FBXO25: variants seen among roughly 807,000 people sequenced by gnomAD.
FBXO25 encodes F-box protein 25.
A neutral mutation model predicts 51.9 loss-of-function variants in FBXO25; 45 were observed. The observed-to-expected ratio is 0.87, with a 90% CI of 0.68 to 1.11. The LOEUF is 1.11. Ranked by LOEUF, FBXO25 falls within the 50% of genes most tolerant of loss-of-function variation. FBXO25 has a pLI of 0.00. For synonymous variants in FBXO25, 199 were observed against 151.0 expected (o/e 1.32, Z -2.33); for missense variants, 507 against 428.5 (o/e 1.18, Z -1.62).
At chr8:438,235 T>G (rs1468612270) in intron 5 of FBXO25, among the ~76,000 whole-genome samples, 1 of 152,104 alleles carries the variant, frequency 6.6e-6, no homozygotes, top group Non-Finnish European at 1.5e-5. Flanking sequence ...TTTTTTGTAT[T>G]TTTAGTAGAG....
At chr8:434,336 C>T (rs1163485197) in intron 4 of FBXO25, among the ~76,000 whole-genome samples, 1 of 152,132 alleles carries the variant, frequency 6.6e-6, no homozygotes, top group African/African-American at 2.4e-5. Context: ...GGGTGGTGAC[C>T]TTGGAAAGTG....
intron 7 of FBXO25, among the ~76,000 whole-genome samples, chr8:453,242 G>A (rs187104344): frequency 2.0e-5 from 3 of 152,308 alleles, no homozygotes; most frequent in African/African-American, 7.2e-5. Flanking sequence ...TTTTCGTCAT[G>A]TCCACTCAAA....
At chr8:409,748 T>C (rs35557470) in intron 1 of FBXO25, among the ~76,000 whole-genome samples, 14,531 of 152,158 alleles carry the variant, frequency 0.095, 746 homozygotes, top group South Asian at 0.14. Context: ...AGTTGTTTTT[T>C]TCTGTCTCCA....
chr8:451,987 G>A (rs1799128709), intron 7 of FBXO25, among the ~76,000 whole-genome samples: 1 of 152,174 alleles, frequency 6.6e-6, no homozygotes, highest in Non-Finnish European at 1.5e-5. Flanking sequence ...ATTGCCCCGA[G>A]TATTTAGATA....
At chr8:434,543 A>G (rs868407569) in intron 4 of FBXO25, among the ~76,000 whole-genome samples, 2 of 152,178 alleles carry the variant, frequency 1.3e-5, no homozygotes, top group Non-Finnish European at 2.9e-5. Context: ...GGGTTGGCGC[A>G]CAGAAGCACA....
intron 2 of FBXO25, among the ~76,000 whole-genome samples, chr8:417,086 G>A (rs1796852966): frequency 6.6e-6 from 1 of 152,170 alleles, no homozygotes; most frequent in African/African-American, 2.4e-5. Context: ...ACATCATCTG[G>A]CATATTCAGG....
At chr8:409,719 G>A (rs1301861363) in intron 1 of FBXO25, among the ~76,000 whole-genome samples, 4 of 151,994 alleles carry the variant, frequency 2.6e-5, no homozygotes, top group Non-Finnish European at 5.9e-5. Context: ...AGGTTCTGTT[G>A]GCAAGATATT....
chr8:440,908 G>T (rs1188186514), intron 5 of FBXO25, among the ~76,000 whole-genome samples: 1 of 144,048 alleles, frequency 6.9e-6, no homozygotes, highest in East Asian at 2.0e-4. Context: ...CCTTGCAAAG[G>T]ACATGAACTC....
At chr8:451,918 T>G (rs1381330607) in intron 7 of FBXO25, among the ~76,000 whole-genome samples, 2 of 152,204 alleles carry the variant, frequency 1.3e-5, no homozygotes, top group African/African-American at 4.8e-5. Flanking sequence ...TCATGTCAGT[T>G]TTTTTGATAT....
At chr8:432,053 G>A (rs1436595412) in intron 3 of FBXO25, among the ~76,000 whole-genome samples, 2 of 151,996 alleles carry the variant, frequency 1.3e-5, no homozygotes, top group African/African-American at 4.8e-5. Flanking sequence ...TTATAAATTA[G>A]GTGCAGTAAG....
rs1785733181 is a variant in FBXO25, at chr8:469,277, G to C, written c.*473G>C. The stretch of plus-strand genomic sequence containing the variant: ...AAAATGCATTTTAACTACTACATTG[G>C]CTGTGCCCAAATGAGTCCTCTTTGA... On this transcript the variant is annotated 3_prime_UTR_variant, in exon 10 of 10. Coordinates refer to ENST00000350302, the MANE Select transcript of FBXO25 (RefSeq NM_183420.2). The C allele has an allele frequency of 6.5e-6, 1 of 153,170 alleles. No individual in the cohort carries two copies. The highest frequency in any genetic ancestry group is 2.4e-5 in the African/African-American group (1 of 41,444). 9.5% of individuals were successfully genotyped at this position (153,170 alleles called of 1,614,324 possible).
chr8:432,058 A>G (rs1797849182), intron 3 of FBXO25, among the ~76,000 whole-genome samples: 1 of 152,198 alleles, frequency 6.6e-6, no homozygotes, highest in Admixed American at 6.5e-5. Context: ...AATTAGGTGC[A>G]GTAAGAGATT....
chr8:473,299 G>C lies in FBXO25; in HGVS notation c.*4495G>C, dbSNP rs1297598016. 2 of 152,250 alleles carry C rather than the reference G, an allele frequency of 1.3e-5. No homozygotes were observed. The highest frequency in any genetic ancestry group is 4.8e-5 in the African/African-American group (2 of 41,436). The allele number at this position is 152,250 out of a possible 1,614,324, so 9.4% of individuals were successfully genotyped here. ...TTCAGCAGGAACTGCATCATTGTGT[G>C]CCTAAAAAGCCCTGGCTCACAGCAT... On this transcript the variant is annotated 3_prime_UTR_variant, in exon 10 of 10. Coordinates refer to ENST00000350302, the MANE Select transcript of FBXO25 (RefSeq NM_183420.2).
At chr8:418,608 G>A (rs1796960266) in intron 2 of FBXO25, among the ~76,000 whole-genome samples, 1 of 152,072 alleles carries the variant, frequency 6.6e-6, no homozygotes, top group Admixed American at 6.5e-5. Context: ...CCAAAGTGCT[G>A]GGATTACATG....
At chr8:438,377 T>C (rs1212580367) in intron 5 of FBXO25, among the ~76,000 whole-genome samples, 1 of 152,220 alleles carries the variant, frequency 6.6e-6, no homozygotes, top group African/African-American at 2.4e-5. Context: ...TCAACTAATG[T>C]TTTATGTAAA....
intron 1 of FBXO25, among the ~76,000 whole-genome samples, chr8:408,434 A>C (rs1796295764): frequency 6.6e-6 from 1 of 152,218 alleles, no homozygotes; most frequent in Admixed American, 6.5e-5. Flanking sequence ...TCCTGGAGTG[A>C]GACTCCATCA....
chr8:449,524 C>T (rs1038600813), intron 5 of FBXO25, among the ~76,000 whole-genome samples: 3 of 152,088 alleles, frequency 2.0e-5, no homozygotes, highest in African/African-American at 7.2e-5. Context: ...GTTGTGTTTC[C>T]TTTTTAATTT....
At chr8:463,761 G>A (rs897756986) in intron 9 of FBXO25, among the ~76,000 whole-genome samples, 20 of 152,288 alleles carry the variant, frequency 1.3e-4, no homozygotes, top group Middle Eastern at 3.4e-3. Flanking sequence ...TCCAGACTGT[G>A]TGTCTAAATA....
intron 2 of FBXO25, chr8:420,472 C>G (rs1797081437): frequency 6.6e-6 from 1 of 152,178 alleles, no homozygotes; most frequent in Admixed American, 6.5e-5. Flanking sequence ...CATGCTCACA[C>G]AAAACCTGCA....
Sources: gnomAD v4.1 joint callset for allele counts (sites outside exome capture counted in the v4.1 genomes callset) on GRCh38, gnomAD v4.1.1 for gene constraint, MANE v1.5 for transcripts, NCBI Gene and HGNC (gene_info 2026-07-23, HGNC 2026-07-21) for gene names.